The following AGAP3 variants were observed in gnomAD, a reference collection of about 807,000 sequenced individuals.
AGAP3 encodes the protein ArfGAP with GTPase domain, ankyrin repeat and PH domain 3.
Under a neutral mutation model 96.9 loss-of-function variants are expected in AGAP3, and 24 were observed. That is an observed-to-expected ratio of 0.25 (90% CI 0.18 to 0.35). The LOEUF is 0.35. Ranked by LOEUF, AGAP3 falls within the 10% of genes least tolerant of loss-of-function variation. The probability of loss-of-function intolerance (pLI) is 1.00; values close to 1 mark genes in which losing one functional copy is unlikely to be tolerated. For synonymous variants in AGAP3, 563 were observed against 536.1 expected, an observed-to-expected ratio of 1.05 and a Z score of -0.69; for missense variants, 876 against 1,254.2, an observed-to-expected ratio of 0.70 and a Z score of 4.55.
intron 8 of AGAP3, chr7:151,123,555 C>G: frequency 7.4e-7 from 1 of 1,346,572 alleles, no homozygotes; most frequent in Non-Finnish European, 9.6e-7. Flanking sequence ...TCTGTCCTTG[C>G]TCTTTTGTAA....
At chr7:151,128,269 C>G (rs998450161) in intron 9 of AGAP3, 2 of 357,948 alleles carry the variant, frequency 5.6e-6, no homozygotes, top group Non-Finnish European at 1.1e-5. Flanking sequence ...CATCTACACC[C>G]GACGGTCTAC....
rs1457445414 is a variant in AGAP3, at chr7:151,096,854, C to T, written c.331+9782C>T. ...AGTGTAGTGGTATGATCTCAGCTCACTGCAACCTCTGCCTCCCGAGTTCAA... is the reference window on the plus strand; with the variant it reads ...AGTGTAGTGGTATGATCTCAGCTCATTGCAACCTCTGCCTCCCGAGTTCAA... On this transcript the variant is annotated intron_variant, in intron 1 of 17. Coordinates refer to ENST00000397238, the MANE Select transcript of AGAP3 (RefSeq NM_031946.7). The surrounding 1 kb of genome is among the most constrained non-coding windows in gnomAD (Gnocchi z 4.4). 1.3e-5 allele frequency among the ~76,000 whole-genome samples: 2 copies of T among 152,046 alleles called. No individual in the cohort carries two copies. Among genetic ancestry groups the T allele is most frequent in the African/African-American group, 4.8e-5 (2 of 41,398 alleles).
rs1800924688 is a variant in AGAP3, at chr7:151,143,939, T to C, written c.2732T>C (p.Leu911Pro). ...SAELHRSPSL[L>P] ...GAGCTGCACCGTAGTCCTAGCCTCC[T>C]ATAAGGCCCAGGAAGAGGGCAGAGG... The change falls in exon 18 of 18, where the codon CTA (leucine) becomes CCA (proline). Residue 911 changes from leucine to proline, a missense_variant. Leu to Pro is a moderately conservative substitution (Grantham distance 98, BLOSUM62 -3). Around this residue, in one of 8 missense-constraint regions of AGAP3, gnomAD observed 213 missense variants for 253.8 expected, o/e 0.84. Coordinates refer to ENST00000397238, the MANE Select transcript of AGAP3 (RefSeq NM_031946.7). This position sits in a 1 kb window ranked among gnomAD's most constrained non-coding sequence, Gnocchi z 5.9. 5 of 1,613,654 alleles carry C rather than the reference T, an allele frequency of 3.1e-6. No individual in the cohort carries two copies. In the Admixed American group the frequency reaches 8.3e-5, roughly 27 times the overall value.
In AGAP3 at chr7:151,138,264, C is replaced by T. The variant is rs768540064; in HGVS notation, c.1617C>T (p.Asp539=). The change falls in exon 12 of 18, where the codon GAC becomes GAT. Residue 539 remains aspartate, a synonymous_variant. Coordinates refer to ENST00000397238, the MANE Select transcript of AGAP3 (RefSeq NM_031946.7). The part of the protein sequence containing the change: ...HQRSCSVSSA[D]QWSEATTSLP... ...GCTCCTGCTCCGTTTCCAGCGCCGA[C>T]CAGTGGAGTGAGGCCACCACTTCCC... The T allele has an allele frequency of 1.2e-6, 2 of 1,612,814 alleles. No individual in the cohort carries two copies. The highest frequency in any genetic ancestry group is 1.1e-5 in the South Asian group (1 of 91,042).
Position 151,141,589 on chromosome 7 carries a change from G to A in AGAP3, c.1805-309G>A. 5.1e-6 allele frequency: 2 copies of A among 392,468 alleles called. No individual in the cohort carries two copies. Among genetic ancestry groups the A allele is most frequent in the Non-Finnish European group, 4.8e-6 (1 of 210,312 alleles). The allele number at this position is 392,468 out of a possible 1,614,324, so 24.3% of individuals were successfully genotyped here. ...AGATACTCAGCTCTTTCTGTGGGAT[G>A]CACCCCTCTCTGGTTTCACACCCAT... On this transcript the variant is annotated intron_variant, in intron 13 of 17. Coordinates refer to ENST00000397238, the MANE Select transcript of AGAP3 (RefSeq NM_031946.7). This position sits in a 1 kb window ranked among gnomAD's most constrained non-coding sequence, Gnocchi z 4.2.
intron 3 of AGAP3, 94 bp downstream of exon 3, chr7:151,117,276 A>G (rs1422348656): frequency 2.5e-6 from 4 of 1,591,856 alleles, no homozygotes; most frequent in Non-Finnish European, 1.7e-6. Context: ...GCCCCCTTCC[A>G]GTCCTCTTCC....
chr7:151,126,573 G>A (rs1043972306), intron 9 of AGAP3, among the ~76,000 whole-genome samples: 1 of 148,896 alleles, frequency 6.7e-6, no homozygotes, highest in Admixed American at 6.7e-5. Context: ...GGGGCGGGGG[G>A]TATTGGGGAT....
intron 1 of AGAP3, chr7:151,115,010 G>A: frequency 1.0e-6 from 1 of 989,302 alleles, no homozygotes; most frequent in Non-Finnish European, 1.2e-6. Flanking sequence ...TCGGCCTCCT[G>A]CGCCCGCGCC....
rs999951529 is a variant in AGAP3 at position 151,114,489 on chromosome 7, G to A, written c.332-2304G>A. 6.6e-6 allele frequency among the ~76,000 whole-genome samples: 1 copy of A among 152,170 alleles called. No homozygotes were observed. Among genetic ancestry groups the A allele is most frequent in the East Asian group, 1.9e-4 (1 of 5,176 alleles). On this transcript the variant is annotated intron_variant, in intron 1 of 17. Coordinates refer to ENST00000397238, the MANE Select transcript of AGAP3 (RefSeq NM_031946.7). This position sits in a 1 kb window ranked among gnomAD's most constrained non-coding sequence, Gnocchi z 4.4. ...CCCTGGGCTGGAATTTCCTGTTTTC[G>A]AGGGCTCCCAGGGGCTGCCCCAGCA...
In AGAP3 at chr7:151,114,596, C is replaced by A; in HGVS notation, c.332-2197C>A. The A allele has an allele frequency of 1.8e-6, 1 of 544,340 alleles. No individual in the cohort carries two copies. The allele number at this position is 544,340 out of a possible 1,614,324, so 33.7% of individuals were successfully genotyped here. The stretch of plus-strand genomic sequence containing the variant: ...CCTCTCTCTCCGGGCTGGGCTGACT[C>A]CCGGCCTCTCCAGGTCTGGGCTTGC... On this transcript the variant is annotated intron_variant, in intron 1 of 17. Transcript: ENST00000397238. This position sits in a 1 kb window ranked among gnomAD's most constrained non-coding sequence, Gnocchi z 4.4.
chr7:151,115,262 C>T (rs1345816827), intron 1 of AGAP3: 1 of 1,001,596 alleles, frequency 1.0e-6, no homozygotes, highest in Non-Finnish European at 1.2e-6. Context: ...TGTGGAGCAG[C>T]CAGCGCTGGC....
At chr7:151,138,340 C>T (rs559920481) in intron 12 of AGAP3, 27 bp downstream of exon 12, 3 of 1,585,572 alleles carry the variant, frequency 1.9e-6, no homozygotes, top group Admixed American at 1.7e-5. Flanking sequence ...CTGCTTCCCA[C>T]CTTTTCTGGG....
rs764053590 is a variant in AGAP3 at position 151,117,592 on chromosome 7, G to T, written c.565-44G>T. 5 of 1,612,056 alleles carry T rather than the reference G, an allele frequency of 3.1e-6. No individual in the cohort carries two copies. Among genetic ancestry groups the T allele is most frequent in the Non-Finnish European group, 3.4e-6 (4 of 1,178,638 alleles). ...GTTCACCTGCCCTGCATGGGAGTTT[G>T]CCAGGTCCAGTTGCGGGTGCTAATT... On this transcript the variant is annotated intron_variant, in intron 4 of 17. Coordinates refer to ENST00000397238, the MANE Select transcript of AGAP3 (RefSeq NM_031946.7).
At chr7:151,117,607 G>A (rs545981903) in intron 4 of AGAP3, 29 bp from the exon 5 acceptor site, 18 of 1,612,866 alleles carry the variant, frequency 1.1e-5, no homozygotes, top group East Asian at 4.5e-5. Flanking sequence ...GTCCAGTTGC[G>A]GGTGCTAATT....
At position 151,134,450 on chromosome 7, in the gene AGAP3, G is replaced by A. The variant is rs368812920; in HGVS notation, c.1377G>A (p.Thr459=). ...HGKEIDLLRT[T]VKVPGKRLPR... ...AGGAGATTGACCTGCTGCGGACAAC[G>A]GTGAAAGTGCCAGGGAAGCGCCTGC... The change falls in exon 11 of 18, where the codon ACG becomes ACA. Residue 459 remains threonine, a synonymous_variant. Transcript: ENST00000397238. 1.7e-5 allele frequency: 28 copies of A among 1,613,338 alleles called. No homozygotes were observed. The highest frequency in any genetic ancestry group is 2.2e-5 in the East Asian group (1 of 44,886).
Position 151,114,908 on chromosome 7 carries a change from C to T in AGAP3, c.332-1885C>T. The T allele has an allele frequency of 9.1e-6, 9 of 992,948 alleles. No individual in the cohort carries two copies. The highest frequency in any genetic ancestry group is 9.6e-6 in the Non-Finnish European group (8 of 837,496). 61.5% of individuals were successfully genotyped at this position (992,948 alleles called of 1,614,324 possible). ...GCGCTGCCGCCGCCCTGCAGGCCGC[C>T]CTCTGCGCCGCCAGTGAGCAGCCGG... On this transcript the variant is annotated intron_variant, in intron 1 of 17. Transcript: ENST00000397238. The surrounding 1 kb of genome is among the most constrained non-coding windows in gnomAD (Gnocchi z 4.4).
intron 1 of AGAP3, among the ~76,000 whole-genome samples, chr7:151,104,079 G>T (rs181487213): frequency 1.4e-3 from 218 of 152,226 alleles, no homozygotes; most frequent in African/African-American, 4.9e-3. Context: ...TAGTCTGTAG[G>T]GGTGATCATT....
rs753690096 is a variant in AGAP3 at position 151,086,921 on chromosome 7, G to A, written c.180G>A (p.Gln60=). 2.5e-6 allele frequency: 4 copies of A among 1,591,990 alleles called. No homozygotes were observed. Among genetic ancestry groups the A allele is most frequent in the Non-Finnish European group, 3.4e-6 (4 of 1,170,614 alleles). The change falls in exon 1 of 18, where the codon CAG becomes CAA. Residue 60 remains glutamine, a synonymous_variant. Transcript: ENST00000397238. ...AGCTGGCCGGCGGGCCCCCCCAGCAGTTCGCGCTCTCCAACTCCGCGGCCA... is the reference window on the plus strand; with the variant it reads ...AGCTGGCCGGCGGGCCCCCCCAGCAATTCGCGCTCTCCAACTCCGCGGCCA... ...SQQLAGGPPQ[Q]FALSNSAAIR...
chr7:151,110,773 G>A (rs1186712946), intron 1 of AGAP3, among the ~76,000 whole-genome samples: 2 of 152,138 alleles, frequency 1.3e-5, no homozygotes, highest in Admixed American at 1.3e-4. Flanking sequence ...AGGAGGGAGC[G>A]CCACCAGGAC....
Sources: gnomAD v4.1 joint callset for allele counts (sites outside exome capture counted in the v4.1 genomes callset) on GRCh38, gnomAD v4.1.1 for gene constraint, gnomAD v4.1.1 regional missense constraint, Gnocchi (gnomAD v3.1) non-coding constraint, MANE v1.5 for transcripts, NCBI Gene and HGNC (gene_info 2026-07-23, HGNC 2026-07-21) for gene names.